The following WDR43 variants were observed in gnomAD, a reference collection of about 807,000 sequenced individuals.
WDR43 encodes WD repeat-containing protein 43.
In WDR43, 13 loss-of-function variants were observed where a neutral mutation model predicts 91.4. The ratio of observed to expected loss-of-function variants is 0.14; its 90% CI spans 0.09 to 0.23. The LOEUF (loss-of-function observed/expected upper bound fraction) is 0.23, where lower values mean the gene tolerates loss of function less well. Ranked by LOEUF, WDR43 falls within the 10% of genes least tolerant of loss-of-function variation. WDR43 has a pLI of 1.00. For missense variants in WDR43, 780 were observed against 809.4 expected (o/e 0.96, Z 0.44); for synonymous variants, 331 against 287.9 (o/e 1.15, Z -1.51).
chr2:28,900,383 C>T (rs1041647922), intron 1 of WDR43, among the ~76,000 whole-genome samples: 28 of 152,208 alleles, frequency 1.8e-4, no homozygotes, highest in South Asian at 1.5e-3. Flanking sequence ...GGGGTTTCAC[C>T]ATGTTGGCCA....
chr2:28,915,099 A>T (rs917397148), intron 5 of WDR43, among the ~76,000 whole-genome samples: 1 of 152,142 alleles, frequency 6.6e-6, no homozygotes, highest in Non-Finnish European at 1.5e-5. Context: ...CACCATATAA[A>T]GTTACTATGA....
At chr2:28,903,699 A>G (rs1670620725) in intron 2 of WDR43, among the ~76,000 whole-genome samples, 1 of 152,122 alleles carries the variant, frequency 6.6e-6, no homozygotes, top group South Asian at 2.1e-4. Context: ...CACCTACTAT[A>G]GGTAGGAGCC....
intron 11 of WDR43, among the ~76,000 whole-genome samples, chr2:28,931,434 G>T (rs987041779): frequency 6.6e-6 from 1 of 152,176 alleles, no homozygotes; most frequent in Admixed American, 6.5e-5. Context: ...TATTTAGTTG[G>T]TATGCCCCTT....
chr2:28,929,220 T>TA (rs1313913045), intron 10 of WDR43, among the ~76,000 whole-genome samples: 12 of 152,220 alleles, frequency 7.9e-5, no homozygotes, highest in Admixed American at 7.2e-4. Flanking sequence ...AAGGGATAGT[T>TA]ATAGTGGGGC....
chr2:28,923,579 T>C (rs552561695), intron 7 of WDR43, among the ~76,000 whole-genome samples: 11 of 152,308 alleles, frequency 7.2e-5, no homozygotes, highest in African/African-American at 2.4e-4. Flanking sequence ...TTGTTGTCAG[T>C]TGGCACCCTT....
At chr2:28,934,491 A>G (rs1671303171) in intron 11 of WDR43, among the ~76,000 whole-genome samples, 1 of 152,206 alleles carries the variant, frequency 6.6e-6, no homozygotes, top group Admixed American at 6.5e-5. Context: ...TAGTAGTTAT[A>G]ACTATGGCTT....
At chr2:28,937,102 T>A in intron 13 of WDR43, 149 bp downstream of exon 13, 1 of 765,590 alleles carries the variant, frequency 1.3e-6, no homozygotes, top group Non-Finnish European at 2.0e-6. Context: ...ATGATTCTTA[T>A]TCTTAGCGTT....
intron 1 of WDR43, among the ~76,000 whole-genome samples, chr2:28,896,898 A>C (rs778819739): frequency 2.1e-4 from 32 of 152,190 alleles, no homozygotes; most frequent in Admixed American, 5.2e-4. Context: ...AGGTTTCAGC[A>C]TCGTTTTATC....
chr2:28,903,517 A>C (rs1177794721), intron 2 of WDR43, among the ~76,000 whole-genome samples: 1 of 152,216 alleles, frequency 6.6e-6, no homozygotes, highest in African/African-American at 2.4e-5. Context: ...TTTTAATCTG[A>C]TTTTAAGTTT....
intron 1 of WDR43, chr2:28,895,726 C>T (rs1670467725): frequency 6.6e-6 from 1 of 152,180 alleles, no homozygotes; most frequent in African/African-American, 2.4e-5. Flanking sequence ...GTTAGGGACC[C>T]GTGTCAGGTA....
intron 6 of WDR43, among the ~76,000 whole-genome samples, chr2:28,920,456 G>A (rs1671002848): frequency 6.6e-6 from 1 of 151,628 alleles, no homozygotes; most frequent in Non-Finnish European, 1.5e-5. Context: ...TTGAACTCCT[G>A]ACCTCAAGTG....
chr2:28,939,123 G>A (rs1186711052), intron 14 of WDR43, among the ~76,000 whole-genome samples: 5 of 135,596 alleles, frequency 3.7e-5, no homozygotes, highest in Non-Finnish European at 6.3e-5. Context: ...GAGCACTGGT[G>A]AGAGGGGTTT....
chr2:28,938,306 AGG>A (rs1210122196), intron 14 of WDR43, among the ~76,000 whole-genome samples: 20 of 152,278 alleles, frequency 1.3e-4, no homozygotes, highest in African/African-American at 4.8e-4. Flanking sequence ...ACACACACAC[AGG>A]CACGGCAGGT....
At chr2:28,927,908 C>CTA in intron 10 of WDR43, 1 of 689,778 alleles carries the variant, frequency 1.4e-6, no homozygotes, top group Non-Finnish European at 2.2e-6. Flanking sequence ...CCTTCAGTAA[C>CTA]TAAAGAGGGT....
chr2:28,924,887 G>T (rs981790768), intron 7 of WDR43, 95 bp from the exon 8 acceptor site: 13 of 1,452,260 alleles, frequency 9.0e-6, no homozygotes, highest in Non-Finnish European at 1.1e-5. Context: ...AGAGGCTAGA[G>T]GGGGGTCACA....
intron 15 of WDR43, 125 bp downstream of exon 15, chr2:28,941,699 T>A: frequency 1.4e-6 from 1 of 694,934 alleles, no homozygotes; most frequent in Non-Finnish European, 2.4e-6. Flanking sequence ...AGCATGATCA[T>A]AGCTCACTGC....
chr2:28,942,517 C>T (rs1482798597), intron 16 of WDR43, 136 bp downstream of exon 16: 16 of 889,974 alleles, frequency 1.8e-5, no homozygotes, highest in Admixed American at 5.4e-5. Context: ...TAGGCAAGTC[C>T]GTGGCAAAAA....
At chr2:28,909,015 A>C (rs554035636) in intron 3 of WDR43, among the ~76,000 whole-genome samples, 10 of 152,134 alleles carry the variant, frequency 6.6e-5, no homozygotes, top group Non-Finnish European at 1.3e-4. Context: ...GTCATTCTCT[A>C]TTAGTGGTAT....
At chr2:28,941,186 T>C (rs1463305397) in intron 14 of WDR43, among the ~76,000 whole-genome samples, 4 of 152,210 alleles carry the variant, frequency 2.6e-5, no homozygotes, top group Admixed American at 6.5e-5. Context: ...AATAGTTTGA[T>C]CAATACAGAA....
Sources: gnomAD v4.1 joint callset for allele counts (sites outside exome capture counted in the v4.1 genomes callset) on GRCh38, gnomAD v4.1.1 for gene constraint, MANE v1.5 for transcripts, NCBI Gene and HGNC (gene_info 2026-07-23, HGNC 2026-07-21) for gene names.